PYCR3: variants seen among roughly 807,000 people sequenced by gnomAD.
PYCR3 encodes the protein P5C reductase 3.
A neutral mutation model predicts 23.4 loss-of-function variants in PYCR3; 26 were observed. That is an observed-to-expected ratio of 1.11 (90% CI 0.81 to 1.54). PYCR3 has a LOEUF of 1.54. Among genes scored for constraint, PYCR3 ranks in the 40% most tolerant of loss-of-function variants. PYCR3 has a pLI of 0.00. For missense variants in PYCR3, 360 were observed against 376.3 expected, an observed-to-expected ratio of 0.96 and a Z score of 0.36; for synonymous variants, 194 against 162.6, an observed-to-expected ratio of 1.19 and a Z score of -1.47.
chr8:143,603,899 C>G lies in PYCR3; in HGVS notation c.*1801G>C, dbSNP rs7464859. ...ACTTATGGGGCAGGCATTGGACCTT[C>G]TTTTTTTTTTTTTCCAAGACAGAGT... On this transcript the variant is annotated 3_prime_UTR_variant, in exon 6 of 6. Transcript: ENST00000495276. The G allele has an allele frequency of 4.4e-3, 179 of 40,630 alleles. 3 individuals carry two copies. Among genetic ancestry groups the G allele is most frequent in the Admixed American group, 6.3e-3 (20 of 3,164 alleles). The allele number at this position is 40,630 out of a possible 1,614,324, so 2.5% of individuals were successfully genotyped here. A position where few individuals can be genotyped will look rare whatever the true frequency, so the allele number is the denominator to read the frequency against.
chr8:143,608,620 T>G, intron 1 of PYCR3: 1 of 318,352 alleles, frequency 3.1e-6, no homozygotes, highest in Non-Finnish European at 6.3e-6. Context: ...GGGTACGGGG[T>G]GGAAAGATTG....
intron 1 of PYCR3, chr8:143,609,005 G>T: frequency 2.3e-6 from 1 of 425,936 alleles, no homozygotes; most frequent in South Asian, 1.7e-5. Flanking sequence ...CTCAACAGGG[G>T]ATGATTTTGC....
chr8:143,606,394 G>A, intron 4 of PYCR3, 73 bp downstream of exon 4: 2 of 1,503,806 alleles, frequency 1.3e-6, no homozygotes, highest in South Asian at 1.1e-5. Context: ...TGAGGGCAGA[G>A]GCTGTCAGAG....
At chr8:143,608,433 GAA>G (rs1246979712) in intron 1 of PYCR3, 2 of 446,680 alleles carry the variant, frequency 4.5e-6, no homozygotes, top group East Asian at 8.7e-5. Context: ...GCCTGGAGCA[GAA>G]GAGGCAGTAC....
In PYCR3 at chr8:143,606,156, T is replaced by A. The variant is rs1372056142; in HGVS notation, c.550-2A>T. ...CAGGGCCTCGGAGAATGCACACACC[T>A]GTAGCCGCGGCATGGTGGTTGGGGG... On this transcript the variant is annotated splice_acceptor_variant, in intron 4 of 5. Transcript: ENST00000495276. LOFTEE classifies it high-confidence loss of function. The A allele has an allele frequency of 6.2e-7, 1 of 1,604,752 alleles. No individual in the cohort carries two copies.
At chr8:143,608,867 T>G (rs537070198) in intron 1 of PYCR3, 1 of 456,702 alleles carries the variant, frequency 2.2e-6, no homozygotes, top group Non-Finnish European at 4.4e-6. Flanking sequence ...TTCTGGACCC[T>G]GAAGTATGGC....
intron 3 of PYCR3, 35 bp from the exon 4 acceptor site, chr8:143,606,714 A>T: frequency 6.4e-7 from 1 of 1,551,080 alleles, no homozygotes; most frequent in Non-Finnish European, 8.7e-7. Flanking sequence ...GGGAGTCTGT[A>T]GGACTGGGCC....
Position 143,604,284 on chromosome 8 carries a change from A to G in PYCR3, c.*1416T>C, listed in dbSNP as rs1257324901. Reference sequence around the variant, plus strand: ...CCATCTCCTTAGGCTGACCCTGACAAGTGCCAGGGCCAGGCTTGGACCAAG... The same window carrying G: ...CCATCTCCTTAGGCTGACCCTGACAGGTGCCAGGGCCAGGCTTGGACCAAG... On this transcript the variant is annotated 3_prime_UTR_variant, in exon 6 of 6. Transcript: ENST00000495276. 1.3e-5 allele frequency: 2 copies of G among 152,838 alleles called. No individual in the cohort carries two copies. The highest frequency in any genetic ancestry group is 2.4e-5 in the African/African-American group (1 of 41,428). 9.5% of individuals were successfully genotyped at this position (152,838 alleles called of 1,614,324 possible).
In PYCR3 at chr8:143,604,795, G is replaced by A. The variant is rs1587284672; in HGVS notation, c.*905C>T. Reference sequence around the variant, plus strand: ...CTGCCGTCCGTTAGGGACAGGTGGAGGGGCCAAGTCTTGCCATCAGAGGCC... The same window carrying A: ...CTGCCGTCCGTTAGGGACAGGTGGAAGGGCCAAGTCTTGCCATCAGAGGCC... On this transcript the variant is annotated 3_prime_UTR_variant, in exon 6 of 6. Coordinates refer to ENST00000495276, the MANE Select transcript of PYCR3 (RefSeq NM_023078.6). 1 of 436,558 alleles carries A rather than the reference G, an allele frequency of 2.3e-6. No individual in the cohort carries two copies. Among genetic ancestry groups the A allele is most frequent in the Admixed American group, 2.8e-5 (1 of 36,154 alleles). 27.0% of individuals were successfully genotyped at this position (436,558 alleles called of 1,614,324 possible).
At chr8:143,607,721 G>A (rs975532929) in intron 2 of PYCR3, among the ~76,000 whole-genome samples, 8 of 151,812 alleles carry the variant, frequency 5.3e-5, no homozygotes, top group Non-Finnish European at 1.2e-4. Context: ...CTCACCACAC[G>A]TGCACACGCA....
chr8:143,607,848 TAC>T (rs143951454), intron 2 of PYCR3, among the ~76,000 whole-genome samples: 5 of 151,810 alleles, frequency 3.3e-5, no homozygotes, highest in Admixed American at 1.3e-4. Context: ...CACACATGCA[TAC>T]ACACACACAC....
Position 143,606,164 on chromosome 8 carries a change from C to A in PYCR3, c.550-10G>T, listed in dbSNP as rs752676234. ...CGGAGAATGCACACACCTGTAGCCG[C>A]GGCATGGTGGTTGGGGGGGATAGGT... is the stretch of plus-strand genomic sequence containing the variant. On this transcript the variant is annotated splice_polypyrimidine_tract_variant and intron_variant, in intron 4 of 5. Coordinates refer to ENST00000495276, the MANE Select transcript of PYCR3 (RefSeq NM_023078.6). 8 of 1,599,970 alleles carry A rather than the reference C, an allele frequency of 5.0e-6. No homozygotes were observed. Among genetic ancestry groups the A allele is most frequent in the Non-Finnish European group, 6.8e-6 (8 of 1,173,664 alleles).
At chr8:143,609,093 T>C (rs972605992) in intron 1 of PYCR3, among the ~76,000 whole-genome samples, 1 of 152,240 alleles carries the variant, frequency 6.6e-6, no homozygotes, top group Non-Finnish European at 1.5e-5. Context: ...GGGGTGCTGC[T>C]GGCACAGGAT....
chr8:143,603,309 G>C lies in PYCR3; in HGVS notation c.*2391C>G, dbSNP rs2131393764. 1 of 152,340 alleles carries C rather than the reference G, an allele frequency of 6.6e-6. No individual in the cohort carries two copies. The highest frequency in any genetic ancestry group is 1.9e-4 in the East Asian group (1 of 5,192). The allele number at this position is 152,340 out of a possible 1,614,324, so 9.4% of individuals were successfully genotyped here. ...CCTAGATTAACAGTTGGGGCATAGG[G>C]CATAAAAGTGGAACATTGATCAAAG... is the stretch of plus-strand genomic sequence containing the variant. On this transcript the variant is annotated 3_prime_UTR_variant, in exon 6 of 6. Transcript: ENST00000495276.
rs1292606501 is a variant in PYCR3, at chr8:143,606,665, G to A, written c.351C>T (p.Asn117=). 1.3e-6 allele frequency: 2 copies of A among 1,595,876 alleles called. No individual in the cohort carries two copies. Among genetic ancestry groups the A allele is most frequent in the Admixed American group, 1.7e-5 (1 of 57,478 alleles). Residue 117 remains asparagine, a synonymous_variant, in exon 4 of 6, where the codon AAC becomes AAT. Coordinates refer to ENST00000495276, the MANE Select transcript of PYCR3 (RefSeq NM_023078.6). The part of the protein sequence containing the change: ...LSTLEELLPP[N]TRVLRVLPNL... ...TGGGCAAGACCCGCAGCACCCGTGT[G>A]TTTGGGGGCAGCAGCTGGCCAGAGA...
At position 143,605,010 on chromosome 8, in the gene PYCR3, C is replaced by T; in HGVS notation, c.*690G>A. 1 of 462,014 alleles carries T rather than the reference C, an allele frequency of 2.2e-6. No homozygotes were observed. The highest frequency in any genetic ancestry group is 2.4e-5 in the Admixed American group (1 of 42,042). 28.6% of individuals were successfully genotyped at this position (462,014 alleles called of 1,614,324 possible). A position where few individuals can be genotyped will look rare whatever the true frequency, so the allele number is the denominator to read the frequency against. ...CAGGGCCACCCTCCCAGACCTCAAGCCACCCCACCTACCACTGCCCACCTG... is the reference window on the plus strand; with the variant it reads ...CAGGGCCACCCTCCCAGACCTCAAGTCACCCCACCTACCACTGCCCACCTG... On this transcript the variant is annotated 3_prime_UTR_variant, in exon 6 of 6. Transcript: ENST00000495276.
At chr8:143,606,194 A>C (rs1326998690) in intron 4 of PYCR3, 40 bp from the exon 5 acceptor site, 44 of 1,501,324 alleles carry the variant, frequency 2.9e-5, no homozygotes, top group Non-Finnish European at 3.7e-5. Context: ...ATAGGTGTCA[A>C]AGCCTGGGGG....
chr8:143,608,263 C>A, intron 1 of PYCR3, 137 bp from the exon 2 acceptor site: 1 of 652,486 alleles, frequency 1.5e-6, no homozygotes, highest in African/African-American at 1.8e-5. Context: ...CCCAGGAACC[C>A]AAAGCGGGAT....
In PYCR3 at chr8:143,606,821, C is replaced by T. The variant is rs561911991; in HGVS notation, c.336+132G>A. 96 of 1,345,294 alleles carry T rather than the reference C, an allele frequency of 7.1e-5. No homozygotes were observed. In the South Asian group the frequency reaches 1.3e-3, roughly 18 times the overall value. The allele number at this position is 1,345,294 out of a possible 1,614,324, so 83.3% of individuals were successfully genotyped here. A position where few individuals can be genotyped will look rare whatever the true frequency, so the allele number is the denominator to read the frequency against. On this transcript the variant is annotated intron_variant, in intron 3 of 5. Transcript: ENST00000495276. ...TCCCAGGTACAGCACCAGGAGGGAACCCTAAATCCAGCCACTTGATCCAGG... is the reference window on the plus strand; with the variant it reads ...TCCCAGGTACAGCACCAGGAGGGAATCCTAAATCCAGCCACTTGATCCAGG...
Sources: gnomAD v4.1 joint callset for allele counts (sites outside exome capture counted in the v4.1 genomes callset) on GRCh38, gnomAD v4.1.1 for gene constraint, MANE v1.5 for transcripts, NCBI Gene and HGNC (gene_info 2026-07-23, HGNC 2026-07-21) for gene names.